Variants in ANKRD22 observed in about 807,000 individuals in gnomAD.
ANKRD22 encodes the protein ankyrin repeat domain 22.
A neutral mutation model predicts 25.7 loss-of-function variants in ANKRD22; 24 were observed. The observed-to-expected ratio is 0.93, with a 90% CI of 0.68 to 1.31. The LOEUF is 1.31. Ranked by LOEUF, ANKRD22 falls within the 50% of genes most tolerant of loss-of-function variation. The pLI is 0.00. For missense variants in ANKRD22, 214 were observed against 227.1 expected, an observed-to-expected ratio of 0.94 and a Z score of 0.37; for synonymous variants, 84 against 84.3, an observed-to-expected ratio of 1.00 and a Z score of 0.02.
At position 88,822,214 on chromosome 10, in the gene ANKRD22, A is replaced by C. The variant is rs182663030; in HGVS notation, c.*727T>G. 1.8e-4 allele frequency: 28 copies of C among 152,312 alleles called. No homozygotes were observed. The highest frequency in any genetic ancestry group is 6.5e-4 in the African/African-American group (27 of 41,580). 9.4% of individuals were successfully genotyped at this position (152,312 alleles called of 1,614,324 possible). On this transcript the variant is annotated 3_prime_UTR_variant, in exon 6 of 6. Coordinates refer to ENST00000371930, the MANE Select transcript of ANKRD22 (RefSeq NM_144590.3). ...AAACAAAAACAAACTCTGATTTGTC[A>C]ATTTGCCAATTTCTGTGGTGTAAAC...
chr10:88,841,240 T>C lies in ANKRD22; in HGVS notation c.22-9214A>G, dbSNP rs141870804. 6.1e-3 allele frequency among the ~76,000 whole-genome samples: 932 copies of C among 152,180 alleles called. 10 individuals are homozygous for C. Among genetic ancestry groups the C allele is most frequent in the African/African-American group, 0.021 (860 of 41,546 alleles). ...GGGTGGAGGAAGAGTGGGTTCTGGC[T>C]GCTAGAAAATGGCAAATCAGAAGCC... On this transcript the variant is annotated intron_variant, in intron 1 of 5. Transcript: ENST00000371930.
chr10:88,843,155 G>T (rs1844017025), intron 1 of ANKRD22, among the ~76,000 whole-genome samples: 1 of 152,028 alleles, frequency 6.6e-6, no homozygotes, highest in Admixed American at 6.6e-5. Flanking sequence ...CTCTATAAAA[G>T]CTTCTTCTCT....
intron 1 of ANKRD22, among the ~76,000 whole-genome samples, chr10:88,851,371 C>G (rs959353686): frequency 8.5e-5 from 13 of 152,150 alleles, no homozygotes; most frequent in African/African-American, 3.1e-4. Flanking sequence ...CAACTTAGAT[C>G]TAGCTAATAT....
At chr10:88,824,405 TAGG>T (rs1304101167) in intron 4 of ANKRD22, among the ~76,000 whole-genome samples, 2 of 152,210 alleles carry the variant, frequency 1.3e-5, no homozygotes, top group Admixed American at 6.5e-5. Context: ...TCTAAAATTA[TAGG>T]AGATCATGTT....
intron 1 of ANKRD22, 78 bp from the exon 2 acceptor site, chr10:88,832,104 C>A: frequency 7.3e-7 from 1 of 1,376,874 alleles, no homozygotes; most frequent in Non-Finnish European, 9.8e-7. Flanking sequence ...AGTCATAACC[C>A]AATACATTAA....
intron 1 of ANKRD22, among the ~76,000 whole-genome samples, chr10:88,843,901 A>G (rs1441474102): frequency 6.6e-6 from 1 of 152,196 alleles, no homozygotes; most frequent in Non-Finnish European, 1.5e-5. Flanking sequence ...GGAAGCTATC[A>G]TTATACCTTT....
In ANKRD22 at chr10:88,851,652, C is replaced by A. The variant is rs1322583910; in HGVS notation, c.-45G>T. Reference sequence around the variant, plus strand: ...ACTTCACCTCTACAGCTCCTTGAATCTTCTGGAGGTATTTCTGATGAATAT... The same window carrying A: ...ACTTCACCTCTACAGCTCCTTGAATATTCTGGAGGTATTTCTGATGAATAT... On this transcript the variant is annotated 5_prime_UTR_variant, in exon 1 of 6. Transcript: ENST00000371930. 6.2e-7 allele frequency: 1 copy of A among 1,605,750 alleles called. No homozygotes were observed. The highest frequency in any genetic ancestry group is 8.5e-7 in the Non-Finnish European group (1 of 1,173,026).
chr10:88,837,153 C>G lies in ANKRD22; in HGVS notation c.22-5127G>C, dbSNP rs76101601. On this transcript the variant is annotated intron_variant, in intron 1 of 5. Transcript: ENST00000371930. ...CAAATCCAGGCTCTGGAAACAAACT[C>G]TCTGGGTTCCAATCTCAACTCTGCG... Among the ~76,000 whole-genome samples the G allele has an allele frequency of 7.7e-3, 1,178 of 152,292 alleles. 19 individuals are homozygous for G. Among genetic ancestry groups the G allele is most frequent in the South Asian group, 0.05 (239 of 4,828 alleles).
chr10:88,823,529 G>T (rs1843821981), intron 4 of ANKRD22, 151 bp from the exon 5 acceptor site: 1 of 656,334 alleles, frequency 1.5e-6, no homozygotes. Flanking sequence ...ACTATTTCTA[G>T]TACTTAAAAA....
chr10:88,837,966 A>G (rs532438241), intron 1 of ANKRD22, among the ~76,000 whole-genome samples: 1 of 152,360 alleles, frequency 6.6e-6, no homozygotes, highest in Admixed American at 6.5e-5. Flanking sequence ...TAAATTACCC[A>G]GTCTTGGGTA....
intron 1 of ANKRD22, among the ~76,000 whole-genome samples, chr10:88,832,715 T>C (rs1392072642): frequency 6.6e-6 from 1 of 152,184 alleles, no homozygotes; most frequent in Non-Finnish European, 1.5e-5. Context: ...TTAACTACAC[T>C]TGATTAGATG....
chr10:88,847,858 G>A (rs1045499862), intron 1 of ANKRD22, among the ~76,000 whole-genome samples: 2 of 151,822 alleles, frequency 1.3e-5, no homozygotes, highest in African/African-American at 2.4e-5. Flanking sequence ...TCTGCTATAG[G>A]CTCATTCATC....
chr10:88,851,743 C>T lies in ANKRD22; in HGVS notation c.-136G>A. 1.1e-6 allele frequency: 1 copy of T among 940,224 alleles called. No homozygotes were observed. The highest frequency in any genetic ancestry group is 1.7e-6 in the Non-Finnish European group (1 of 590,448). 58.2% of individuals were successfully genotyped at this position (940,224 alleles called of 1,614,324 possible). A position where few individuals can be genotyped will look rare whatever the true frequency, so the allele number is the denominator to read the frequency against. On this transcript the variant is annotated 5_prime_UTR_variant, in exon 1 of 6. Transcript: ENST00000371930. ...AAGCTGGTGGCAAGCTCCAGGAGTG[C>T]TTTTCTAGCAAACACCTGTCAGTGC...
rs144948102 is a variant in ANKRD22, at chr10:88,836,835, A to G, written c.22-4809T>C. On this transcript the variant is annotated intron_variant, in intron 1 of 5. Transcript: ENST00000371930. The stretch of plus-strand genomic sequence containing the variant: ...TCTGCAGAAGAAACAGAAAAACGTT[A>G]AGACTCAAAGGCAAAGAAGTGAAAG... Among the ~76,000 whole-genome samples the G allele has an allele frequency of 8.0e-3, 1,219 of 152,292 alleles. 4 individuals carry two copies. Among genetic ancestry groups the G allele is most frequent in the Middle Eastern group, 0.027 (8 of 294 alleles).
At chr10:88,823,154 C>T (rs1843816997) in intron 5 of ANKRD22, 126 bp downstream of exon 5, 3 of 1,226,966 alleles carry the variant, frequency 2.4e-6, no homozygotes, top group Admixed American at 1.9e-5. Flanking sequence ...TAACTTCATT[C>T]CTTAATGAGG....
At chr10:88,836,557 T>C (rs1438879340) in intron 1 of ANKRD22, among the ~76,000 whole-genome samples, 1 of 152,188 alleles carries the variant, frequency 6.6e-6, no homozygotes, top group Non-Finnish European at 1.5e-5. Context: ...TCAAGGGGAA[T>C]GACTGCAGAA....
rs545892440 is a variant in ANKRD22 at position 88,822,846 on chromosome 10, A to G, written c.*95T>C. On this transcript the variant is annotated 3_prime_UTR_variant, in exon 6 of 6. Transcript: ENST00000371930. ...ATCATTATCCCCATAAAATGGTGGC[A>G]TCCAGGTTAAATGGCCCACAGACCA... The G allele has an allele frequency of 3.8e-6, 4 of 1,062,262 alleles. No individual in the cohort carries two copies. The East Asian group carries it at 9.5e-5, about 25-fold the overall frequency. 65.8% of individuals were successfully genotyped at this position (1,062,262 alleles called of 1,614,324 possible). A position where few individuals can be genotyped will look rare whatever the true frequency, so the allele number is the denominator to read the frequency against.
At chr10:88,823,191 C>A in intron 5 of ANKRD22, 89 bp downstream of exon 5, 1 of 1,335,628 alleles carries the variant, frequency 7.5e-7, no homozygotes, top group South Asian at 1.2e-5. Flanking sequence ...TTGTTTACGT[C>A]AGAGGCAAAT....
intron 4 of ANKRD22, among the ~76,000 whole-genome samples, chr10:88,824,281 C>T (rs1302746707): frequency 1.3e-5 from 2 of 152,114 alleles, no homozygotes; most frequent in Non-Finnish European, 2.9e-5. Flanking sequence ...CATTAGTGTC[C>T]AAAATTTGGC....
Sources: gnomAD v4.1 joint callset for allele counts (sites outside exome capture counted in the v4.1 genomes callset) on GRCh38, gnomAD v4.1.1 for gene constraint, MANE v1.5 for transcripts, NCBI Gene and HGNC (gene_info 2026-07-23, HGNC 2026-07-21) for gene names.